The following RMP64 variants were observed in gnomAD, a reference collection of about 807,000 sequenced individuals.
The protein encoded by RMP64 is ribonuclease MRP subunit p64, also known as nucleolus and neural progenitor protein.
At chr3:113,013,045 C>A in the RMP64 span, 1 of 620,240 alleles carries the variant, frequency 1.6e-6, no homozygotes. Flanking sequence ...TTAAGAATTT[C>A]TAGCTATCAA....
At chr3:113,016,509 G>A in the RMP64 span, among the ~76,000 whole-genome samples, 1 of 152,054 alleles carries the variant, frequency 6.6e-6, no homozygotes, top group Non-Finnish European at 1.5e-5. Context: ...AAGCTAGAAG[G>A]AGAAATATAT....
At chr3:113,007,304 CTTTT>C in the RMP64 span, among the ~76,000 whole-genome samples, 1 of 151,748 alleles carries the variant, frequency 6.6e-6, no homozygotes, top group Non-Finnish European at 1.5e-5. Context: ...TCACTGTATA[CTTTT>C]TTTTTTCTAA....
the RMP64 span, among the ~76,000 whole-genome samples, chr3:113,006,964 G>C: frequency 2.0e-5 from 3 of 152,260 alleles, no homozygotes; most frequent in African/African-American, 7.2e-5. Context: ...ATATATTAAT[G>C]AAACAGCAAA....
chr3:113,013,483 A>G, the RMP64 span: 1 of 1,213,070 alleles, frequency 8.2e-7, no homozygotes, highest in Non-Finnish European at 1.2e-6. Flanking sequence ...TTTTACATTT[A>G]CCAGTTTATT....
chr3:113,005,727 G>C, the RMP64 span: 4 of 1,614,012 alleles, frequency 2.5e-6, no homozygotes, highest in Non-Finnish European at 3.4e-6. Flanking sequence ...TTCAAGAGCT[G>C]CTTACTGTTA....
the RMP64 span, chr3:113,005,657 C>CGA: frequency 1.6e-5 from 26 of 1,613,616 alleles, no homozygotes; most frequent in Non-Finnish European, 2.1e-5. Flanking sequence ...ATGGATGCCT[C>CGA]TAAGATTTTC....
At chr3:113,017,663 A>T in the RMP64 span, 2 of 1,400,496 alleles carry the variant, frequency 1.4e-6, no homozygotes, top group Non-Finnish European at 2.0e-6. Context: ...TATTATATTA[A>T]AAACACACTA....
At chr3:113,010,766 A>G in the RMP64 span, 7 of 1,386,950 alleles carry the variant, frequency 5.0e-6, no homozygotes, top group Non-Finnish European at 7.1e-6. Context: ...AATCTACAAC[A>G]AATTCTTAAG....
At chr3:113,006,106 A>G in the RMP64 span, 66 of 793,700 alleles carry the variant, frequency 8.3e-5, 2 homozygotes, top group South Asian at 1.2e-3. Flanking sequence ...CAACTTATCT[A>G]CAAGTCCTAT....
At chr3:113,018,786 C>T in the RMP64 span, among the ~76,000 whole-genome samples, 1 of 152,194 alleles carries the variant, frequency 6.6e-6, no homozygotes, top group African/African-American at 2.4e-5. Context: ...TTCATCCCCC[C>T]AAACAGCCCT....
the RMP64 span, chr3:113,005,600 C>T: frequency 6.2e-6 from 10 of 1,613,834 alleles, no homozygotes; most frequent in Middle Eastern, 8.2e-4. Context: ...TCCTGATGTA[C>T]TGTTTTTATT....
the RMP64 span, chr3:113,017,639 T>A: frequency 6.4e-7 from 1 of 1,566,416 alleles, no homozygotes; most frequent in Non-Finnish European, 8.8e-7. Context: ...TAGTATGTAT[T>A]TCTACAGTAA....
the RMP64 span, chr3:113,019,647 T>A: frequency 1.2e-6 from 2 of 1,612,030 alleles, no homozygotes; most frequent in South Asian, 1.1e-5. Context: ...GCAGCCATCA[T>A]GCGAGGCGGG....
At chr3:113,013,437 C>T in the RMP64 span, 5 of 1,283,602 alleles carry the variant, frequency 3.9e-6, no homozygotes, top group Admixed American at 2.4e-5. Context: ...ATTACTTTCA[C>T]TTAAAAAAAA....
chr3:113,004,989 G>A, the RMP64 span: 1 of 158,426 alleles, frequency 6.3e-6, no homozygotes, highest in Admixed American at 5.9e-5. Context: ...GTTGTAACCA[G>A]TCCCTGGTAA....
At chr3:113,006,020 A>G in the RMP64 span, 4 of 1,569,646 alleles carry the variant, frequency 2.5e-6, no homozygotes, top group Admixed American at 1.8e-5. Context: ...AAAGACAGAG[A>G]GAGGAAAAAT....
the RMP64 span, chr3:113,005,289 G>T: frequency 2.0e-6 from 1 of 499,448 alleles, no homozygotes; most frequent in Non-Finnish European, 3.6e-6. Flanking sequence ...GCTTCTCAAG[G>T]GTAGGCTGTG....
the RMP64 span, chr3:113,017,652 ATAT>A: frequency 6.7e-7 from 1 of 1,496,620 alleles, no homozygotes; most frequent in South Asian, 1.2e-5. Context: ...TACAGTAAGT[ATAT>A]TATATTAAAA....
chr3:113,004,215 G>A, the RMP64 span: 1 of 152,220 alleles, frequency 6.6e-6, no homozygotes, highest in Non-Finnish European at 1.5e-5. Flanking sequence ...GGCTTCAGGA[G>A]AGAAGCTAAA....
Sources: gnomAD v4.1 joint callset for allele counts (sites outside exome capture counted in the v4.1 genomes callset) on GRCh38, gnomAD v4.1.1 for gene constraint, MANE v1.5 for transcripts, NCBI Gene and HGNC (gene_info 2026-07-23, HGNC 2026-07-21) for gene names.